The following CDS1 variants were observed in gnomAD, a reference collection of about 807,000 sequenced individuals.
The protein encoded by CDS1 is phosphatidate cytidylyltransferase 1.
A neutral mutation model predicts 62.1 loss-of-function variants in CDS1; 41 were observed. The ratio of observed to expected loss-of-function variants is 0.66; its 90% CI spans 0.51 to 0.86. The LOEUF is 0.86. Among genes scored for constraint, CDS1 ranks in the 40% least tolerant of loss-of-function variants. The pLI, the probability that CDS1 is intolerant of heterozygous loss-of-function variation, is 0.00. For synonymous variants in CDS1, 185 were observed against 192.6 expected, an observed-to-expected ratio of 0.96 and a Z score of 0.32; for missense variants, 470 against 550.1, an observed-to-expected ratio of 0.85 and a Z score of 1.46.
At chr4:84,618,689 T>C (rs1723575817) in intron 4 of CDS1, among the ~76,000 whole-genome samples, 1 of 152,154 alleles carries the variant, frequency 6.6e-6, no homozygotes, top group Admixed American at 6.6e-5. Context: ...AATAGTTGGA[T>C]TGGTAGACCA....
chr4:84,609,495 C>T lies in CDS1; in HGVS notation c.312C>T (p.Ile104=). The part of the protein sequence containing the change: ...LTMISLFFLI[I]YMGSFMLMLL... ...TGATCTCGTTGTTTTTCCTGATCAT[C>T]TATATGGGATCCTTCATGCTGATGC... The change falls in exon 3 of 13, where the codon ATC becomes ATT. Residue 104 remains isoleucine, a synonymous_variant. Coordinates refer to ENST00000295887, the MANE Select transcript of CDS1 (RefSeq NM_001263.4). 1 of 1,607,658 alleles carries T rather than the reference C, an allele frequency of 6.2e-7. No individual in the cohort carries two copies. The highest frequency in any genetic ancestry group is 8.5e-7 in the Non-Finnish European group (1 of 1,174,470).
At chr4:84,628,323 T>A (rs1341189181) in intron 5 of CDS1, among the ~76,000 whole-genome samples, 1 of 152,184 alleles carries the variant, frequency 6.6e-6, no homozygotes, top group African/African-American at 2.4e-5. Context: ...TTTTGGTGTC[T>A]TCAACAAGAG....
intron 5 of CDS1, among the ~76,000 whole-genome samples, chr4:84,620,239 T>TTTG (rs1723638463): frequency 7.1e-6 from 1 of 141,416 alleles, no homozygotes; most frequent in African/African-American, 2.7e-5. Context: ...TTTTTTTTTT[T>TTTG]TGAGATGGAG....
intron 3 of CDS1, among the ~76,000 whole-genome samples, chr4:84,611,531 G>A (rs1052402082): frequency 6.6e-6 from 1 of 152,006 alleles, no homozygotes; most frequent in Non-Finnish European, 1.5e-5. Flanking sequence ...GTTTTGATGT[G>A]AAATTAGACA....
Position 84,650,603 on chromosome 4 carries a change from T to C in CDS1, c.*1917T>C, listed in dbSNP as rs899726622. 6.6e-6 allele frequency: 1 copy of C among 152,152 alleles called. No homozygotes were observed. The highest frequency in any genetic ancestry group is 2.4e-5 in the African/African-American group (1 of 41,440). The allele number at this position is 152,152 out of a possible 1,614,324, so 9.4% of individuals were successfully genotyped here. ...CCCCCCACATTTGTATTTAAAATAATTGGTGAGGCATTGAAATCCAGAATT... is the reference window on the plus strand; with the variant it reads ...CCCCCCACATTTGTATTTAAAATAACTGGTGAGGCATTGAAATCCAGAATT... On this transcript the variant is annotated 3_prime_UTR_variant, in exon 13 of 13. Transcript: ENST00000295887.
At chr4:84,631,796 A>C (rs1324474430) in intron 5 of CDS1, 23 bp from the exon 6 acceptor site, 1 of 1,601,144 alleles carries the variant, frequency 6.2e-7, no homozygotes, top group African/African-American at 1.3e-5. Context: ...TACAACGAGC[A>C]CATGTTTTTT....
intron 11 of CDS1, among the ~76,000 whole-genome samples, chr4:84,644,362 C>T (rs769738390): frequency 6.6e-6 from 1 of 151,958 alleles, no homozygotes; most frequent in Non-Finnish European, 1.5e-5. Flanking sequence ...TATGCTTTGA[C>T]TAGTAAGGAA....
intron 1 of CDS1, among the ~76,000 whole-genome samples, chr4:84,587,708 A>G (rs893277385): frequency 6.6e-6 from 1 of 152,310 alleles, no homozygotes; most frequent in East Asian, 1.9e-4. Flanking sequence ...AGGTAGATTA[A>G]TCGGAGAAAT....
At chr4:84,603,241 C>T (rs922946304) in intron 1 of CDS1, among the ~76,000 whole-genome samples, 1 of 152,074 alleles carries the variant, frequency 6.6e-6, no homozygotes, top group Non-Finnish European at 1.5e-5. Context: ...TGCTTTTATT[C>T]CTAGGATTAT....
intron 1 of CDS1, among the ~76,000 whole-genome samples, chr4:84,593,464 T>C (rs765849026): frequency 2.0e-5 from 3 of 152,132 alleles, no homozygotes; most frequent in Non-Finnish European, 4.4e-5. Context: ...CAAGTTGCCC[T>C]GAGTATACAC....
intron 5 of CDS1, among the ~76,000 whole-genome samples, chr4:84,626,079 A>C (rs1040491536): frequency 1.2e-4 from 19 of 152,144 alleles, no homozygotes; most frequent in African/African-American, 4.3e-4. Context: ...ACGCAGGGGA[A>C]TCCCTTGAAC....
rs1723846303 is a variant in CDS1 at position 84,626,023 on chromosome 4, CG to C, written c.581-5793del. 2.0e-5 allele frequency among the ~76,000 whole-genome samples: 3 copies of C among 151,772 alleles called. No homozygotes were observed. In the South Asian group the frequency reaches 6.2e-4, roughly 32 times the overall value. Reference sequence around the variant, plus strand: ...TCTCTACTAAAAATACAAAATTAGCCGGGCGTGGTGGTGCATGCCTGTAATC... The same window carrying C: ...TCTCTACTAAAAATACAAAATTAGCCGGCGTGGTGGTGCATGCCTGTAATC... On this transcript the variant is annotated intron_variant, in intron 5 of 12. Transcript: ENST00000295887.
At chr4:84,605,704 CATA>C (rs1482752139) in intron 2 of CDS1, among the ~76,000 whole-genome samples, 2 of 152,154 alleles carry the variant, frequency 1.3e-5, no homozygotes, top group African/African-American at 4.8e-5. Flanking sequence ...GTGTGTCATT[CATA>C]ATAAGATCTT....
chr4:84,597,226 C>T (rs572646740), intron 1 of CDS1, among the ~76,000 whole-genome samples: 31 of 152,002 alleles, frequency 2.0e-4, no homozygotes, highest in Non-Finnish European at 3.8e-4. Flanking sequence ...GATTTGGGGA[C>T]GAGTCTTTCC....
Position 84,594,675 on chromosome 4 carries a change from G to A in CDS1, c.118-9568G>A, listed in dbSNP as rs191092579. Among the ~76,000 whole-genome samples, 16 of 152,090 alleles carry A rather than the reference G, an allele frequency of 1.1e-4. No individual in the cohort carries two copies. In the East Asian group the frequency reaches 3.1e-3, roughly 29 times the overall value. On this transcript the variant is annotated intron_variant, in intron 1 of 12. Transcript: ENST00000295887. ...TTTAATAATATCAAAATGTTAAAAG[G>A]TTAGTACAATGATCATCAGCATACC...
intron 3 of CDS1, among the ~76,000 whole-genome samples, chr4:84,612,145 T>C (rs1039604924): frequency 6.6e-6 from 1 of 151,310 alleles, no homozygotes; most frequent in Admixed American, 6.6e-5. Context: ...TCACGGTGCT[T>C]CCTCGGTGGC....
Position 84,649,714 on chromosome 4 carries a change from G to C in CDS1, c.*1028G>C, listed in dbSNP as rs1236665766. The C allele has an allele frequency of 6.6e-6, 1 of 152,212 alleles. No individual in the cohort carries two copies. Among genetic ancestry groups the C allele is most frequent in the African/African-American group, 2.4e-5 (1 of 41,446 alleles). The allele number at this position is 152,212 out of a possible 1,614,324, so 9.4% of individuals were successfully genotyped here. A position where few individuals can be genotyped will look rare whatever the true frequency, so the allele number is the denominator to read the frequency against. The stretch of plus-strand genomic sequence containing the variant: ...TCGCAAGAAGGAAGATCTGCCTGGA[G>C]ACCTGATCCCAGTCCAGCTTTTTGA... On this transcript the variant is annotated 3_prime_UTR_variant, in exon 13 of 13. Coordinates refer to ENST00000295887, the MANE Select transcript of CDS1 (RefSeq NM_001263.4).
chr4:84,623,584 C>CGAATAAA lies in CDS1; in HGVS notation c.580+4051_580+4052insGAATAAA, dbSNP rs1336317955. Among the ~76,000 whole-genome samples, 9 of 152,226 alleles carry CGAATAAA rather than the reference C, an allele frequency of 5.9e-5. No homozygotes were observed. In the East Asian group the frequency reaches 1.7e-3, roughly 29 times the overall value. The stretch of plus-strand genomic sequence containing the variant: ...TCACATTTCTTCAGTTTTCTCTGTT[C>CGAATAAA]TTGTGGGGCTTCCCCTTAATTTATT... On this transcript the variant is annotated intron_variant, in intron 5 of 12. Coordinates refer to ENST00000295887, the MANE Select transcript of CDS1 (RefSeq NM_001263.4).
chr4:84,633,856 G>A lies in CDS1; in HGVS notation c.640-1G>A, dbSNP rs778132229. On this transcript the variant is annotated splice_acceptor_variant, in intron 6 of 12. Coordinates refer to ENST00000295887, the MANE Select transcript of CDS1 (RefSeq NM_001263.4). LOFTEE classifies it high-confidence loss of function. The stretch of plus-strand genomic sequence containing the variant: ...TTTTTGTATTGTTGGGCTATTAACA[G>A]TTCGCATGGACTCATGTCACTTTAC... The A allele has an allele frequency of 1.9e-6, 3 of 1,592,686 alleles. No homozygotes were observed. Among genetic ancestry groups the A allele is most frequent in the African/African-American group, 1.4e-5 (1 of 74,022 alleles).
Sources: gnomAD v4.1 joint callset for allele counts (sites outside exome capture counted in the v4.1 genomes callset) on GRCh38, gnomAD v4.1.1 for gene constraint, MANE v1.5 for transcripts, NCBI Gene and HGNC (gene_info 2026-07-23, HGNC 2026-07-21) for gene names.